HOXB3: variants seen among roughly 807,000 people sequenced by gnomAD.
The protein encoded by HOXB3 is homeobox B3, also known as homeobox protein Hox-B3.
HOXB3 carries 17 observed loss-of-function variants against 29.2 expected under a neutral mutation model. The observed-to-expected ratio is 0.58, with a 90% confidence interval of 0.40 to 0.87. HOXB3 has a LOEUF of 0.87. Ranked by LOEUF, HOXB3 falls within the 40% of genes least tolerant of loss-of-function variation. The pLI, the probability that HOXB3 is intolerant of heterozygous loss-of-function variation, is 0.00. For missense variants in HOXB3, 637 were observed against 616.3 expected (o/e 1.03, Z -0.35); for synonymous variants, 317 against 285.9 (o/e 1.11, Z -1.10).
In HOXB3 at chr17:48,548,971, GA is replaced by G. The variant is rs1252723134; in HGVS notation, c.*1362del. 6.6e-6 allele frequency: 1 copy of G among 152,656 alleles called. No homozygotes were observed. The highest frequency in any genetic ancestry group is 1.5e-5 in the Non-Finnish European group (1 of 68,046). 9.5% of individuals were successfully genotyped at this position (152,656 alleles called of 1,614,324 possible). A position where few individuals can be genotyped will look rare whatever the true frequency, so the allele number is the denominator to read the frequency against. On this transcript the variant is annotated 3_prime_UTR_variant, in exon 5 of 5. Coordinates refer to ENST00000498678, the MANE Select transcript of HOXB3 (RefSeq NM_001384749.1). ...GAAGAACAAAGAAAGTTCCAAGAGG[GA>G]ATTAACTCTAGTTCTACAAATTCAG...
At chr17:48,585,620 G>A (rs775042624) in intron 1 of HOXB3, among the ~76,000 whole-genome samples, 26 of 152,266 alleles carry the variant, frequency 1.7e-4, no homozygotes, top group Middle Eastern at 3.4e-3. Context: ...TGCGCTTTCG[G>A]TTTCCCTTCC....
intron 2 of HOXB3, among the ~76,000 whole-genome samples, chr17:48,557,800 A>G (rs2069047381): frequency 6.6e-6 from 1 of 152,180 alleles, no homozygotes; most frequent in South Asian, 2.1e-4. Context: ...AAGAAAATAA[A>G]ACATCCAAGT....
At chr17:48,583,705 A>G (rs1418773800) in intron 1 of HOXB3, among the ~76,000 whole-genome samples, 1 of 152,168 alleles carries the variant, frequency 6.6e-6, no homozygotes, top group Non-Finnish European at 1.5e-5. Context: ...TAAATTTGCT[A>G]ACGTTCTGTG....
intron 1 of HOXB3, among the ~76,000 whole-genome samples, chr17:48,587,190 AAT>A (rs977779871): frequency 6.6e-6 from 1 of 152,122 alleles, no homozygotes; most frequent in Non-Finnish European, 1.5e-5. Context: ...CTTAGGGAGA[AAT>A]ATCCATTCTG....
At chr17:48,558,860 G>C (rs555160652) in intron 2 of HOXB3, among the ~76,000 whole-genome samples, 17 of 152,060 alleles carry the variant, frequency 1.1e-4, no homozygotes, top group African/African-American at 3.9e-4. Context: ...ACAGAAGAGG[G>C]AACAATTTCT....
chr17:48,564,370 CAACCCCCG>C (rs1490553724), intron 2 of HOXB3, among the ~76,000 whole-genome samples: 2 of 152,060 alleles, frequency 1.3e-5, no homozygotes, highest in Non-Finnish European at 2.9e-5. Context: ...CAACCCCCAG[CAACCCCCG>C]AGCGTCCCGC....
intron 2 of HOXB3, among the ~76,000 whole-genome samples, chr17:48,563,839 C>G (rs1962001197): frequency 2.0e-5 from 3 of 152,160 alleles, no homozygotes; most frequent in Non-Finnish European, 4.4e-5. Context: ...GCTGACCCAG[C>G]GGTCGCCCCC....
At chr17:48,584,601 G>A (rs147562374) in intron 1 of HOXB3, among the ~76,000 whole-genome samples, 598 of 152,260 alleles carry the variant, frequency 3.9e-3, no homozygotes, top group Non-Finnish European at 6.0e-3. Flanking sequence ...TAATTTAATT[G>A]AATTTCTAAA....
At chr17:48,551,338 C>T (rs2068733543) in intron 4 of HOXB3, 157 bp from the exon 5 acceptor site, 5 of 857,290 alleles carry the variant, frequency 5.8e-6, no homozygotes, top group Non-Finnish European at 7.6e-6. Flanking sequence ...TCCTCACTCC[C>T]CCACCCCACC....
rs544572875 is a variant in HOXB3 at position 48,552,603 on chromosome 17, C to T, written c.-129G>A. 11 of 700,142 alleles carry T rather than the reference C, an allele frequency of 1.6e-5. No homozygotes were observed. Among genetic ancestry groups the T allele is most frequent in the African/African-American group, 1.5e-4 (8 of 54,452 alleles). The allele number at this position is 700,142 out of a possible 1,614,324, so 43.4% of individuals were successfully genotyped here. On this transcript the variant is annotated 5_prime_UTR_variant, in exon 4 of 5. Transcript: ENST00000498678. ...CCCCCCACCTCCCCTCTCTGCCCCCCTCCTCCGGGGTCTGTTCCAAGCGGC... is the reference window on the plus strand; with the variant it reads ...CCCCCCACCTCCCCTCTCTGCCCCCTTCCTCCGGGGTCTGTTCCAAGCGGC...
chr17:48,572,169 A>C (rs758647814), intron 2 of HOXB3, among the ~76,000 whole-genome samples: 35 of 152,308 alleles, frequency 2.3e-4, no homozygotes, highest in Non-Finnish European at 4.4e-4. Context: ...AACTTTGGCT[A>C]ACCTGGGACA....
chr17:48,579,616 A>G (rs901338695), intron 1 of HOXB3: 6 of 157,046 alleles, frequency 3.8e-5, no homozygotes, highest in African/African-American at 1.4e-4. Context: ...TTCAACAACA[A>G]TAACATTAAC....
intron 2 of HOXB3, among the ~76,000 whole-genome samples, chr17:48,569,494 G>A (rs959692749): frequency 1.4e-5 from 2 of 141,232 alleles, no homozygotes; most frequent in African/African-American, 2.6e-5. Context: ...CTGCAGGGGC[G>A]TCTAGGGGGT....
At chr17:48,575,689 A>G (rs1356103099) in intron 1 of HOXB3, 4 of 150,336 alleles carry the variant, frequency 2.7e-5, no homozygotes, top group Admixed American at 2.6e-4. Flanking sequence ...TAATAATAAT[A>G]TTATCAATAA....
At position 48,550,138 on chromosome 17, in the gene HOXB3, A is replaced by T; in HGVS notation, c.*196T>A. On this transcript the variant is annotated 3_prime_UTR_variant, in exon 5 of 5. Coordinates refer to ENST00000498678, the MANE Select transcript of HOXB3 (RefSeq NM_001384749.1). ...ATTCCTTTCCGATGGGTTGGCAGGC[A>T]GATGGAACAAGGGGTGGAAGACTTA... is the stretch of plus-strand genomic sequence containing the variant. 1 of 636,186 alleles carries T rather than the reference A, an allele frequency of 1.6e-6. No homozygotes were observed. The allele number at this position is 636,186 out of a possible 1,614,324, so 39.4% of individuals were successfully genotyped here.
intron 1 of HOXB3, chr17:48,576,473 T>G: frequency 2.5e-6 from 1 of 394,736 alleles, no homozygotes. Context: ...TTTTCTTTTT[T>G]TTAAGAAAGA....
In HOXB3 at chr17:48,551,032, G is replaced by C. The variant is rs534729258; in HGVS notation, c.598C>G (p.Leu200Val). ...TGGAACTCCTTCTCCAGCTCCACCAGCTGCGCGCTCGTGTACGCCGTCCGC... is the reference window on the plus strand; with the variant it reads ...TGGAACTCCTTCTCCAGCTCCACCACCTGCGCGCTCGTGTACGCCGTCCGC... ...RARTAYTSAQLVELEKEFHFN... is the reference protein window; with the variant it reads ...RARTAYTSAQVVELEKEFHFN... Residue 200 changes from leucine (L) to valine (V), a missense_variant, in exon 5 of 5, where the codon CTG (leucine) becomes GTG (valine). By Grantham distance (32) the Leu-to-Val change is conservative. Coordinates refer to ENST00000498678, the MANE Select transcript of HOXB3 (RefSeq NM_001384749.1). 1 of 1,610,926 alleles carries C rather than the reference G, an allele frequency of 6.2e-7. No individual in the cohort carries two copies. Among genetic ancestry groups the C allele is most frequent in the Admixed American group, 1.7e-5 (1 of 59,870 alleles).
chr17:48,550,862 C>A lies in HOXB3; in HGVS notation c.768G>T (p.Ser256=). 1 of 1,613,900 alleles carries A rather than the reference C, an allele frequency of 6.2e-7. No individual in the cohort carries two copies. Among genetic ancestry groups the A allele is most frequent in the South Asian group, 1.1e-5 (1 of 91,080 alleles). ...GGCTGCCGGCTGGAGATGGGCCCCC[C>A]GACGACGAGGCCAATCCCTTGGCCT... is the stretch of plus-strand genomic sequence containing the variant. The part of the protein sequence containing the change: ...DQKAKGLASS[S]GGPSPAGSPP... Residue 256 remains serine, a synonymous_variant, in exon 5 of 5, where the codon TCG becomes TCT. Transcript: ENST00000498678.
At chr17:48,563,289 T>G (rs571443911) in intron 2 of HOXB3, among the ~76,000 whole-genome samples, 1 of 152,270 alleles carries the variant, frequency 6.6e-6, no homozygotes, top group South Asian at 2.1e-4. Context: ...CACTACTTCG[T>G]GGACAGGACA....
Sources: allele counts gnomAD v4.1 joint callset (sites outside exome capture counted in the v4.1 genomes callset), GRCh38; gene constraint gnomAD v4.1.1; transcripts MANE v1.5; gene names NCBI Gene and HGNC (gene_info 2026-07-23, HGNC 2026-07-21).